PLEKHA5: variants seen among roughly 807,000 people sequenced by gnomAD.
PLEKHA5 encodes pleckstrin homology domain containing A5, also known as pleckstrin homology domain-containing family A member 5.
PLEKHA5 carries 55 observed loss-of-function variants against 181.9 expected under a neutral mutation model. The observed-to-expected ratio is 0.30, with a 90% CI of 0.24 to 0.38. The LOEUF (loss-of-function observed/expected upper bound fraction) is 0.38. Among genes scored for constraint, PLEKHA5 ranks in the 10% least tolerant of loss-of-function variants. The probability of loss-of-function intolerance (pLI) is 1.00; values close to 1 mark genes in which losing one functional copy is unlikely to be tolerated. For synonymous variants in PLEKHA5, 535 were observed against 529.4 expected, an observed-to-expected ratio of 1.01 and a Z score of -0.15; for missense variants, 1,432 against 1,549.5, an observed-to-expected ratio of 0.92 and a Z score of 1.27.
At chr12:19,292,203 C>T (rs1221992245) in intron 15 of PLEKHA5, among the ~76,000 whole-genome samples, 2 of 150,988 alleles carry the variant, frequency 1.3e-5, no homozygotes, top group African/African-American at 4.9e-5. Context: ...GCCAGGAGTT[C>T]GAGACGAGGC....
chr12:19,274,053 AT>A (rs1314854347), intron 10 of PLEKHA5, among the ~76,000 whole-genome samples: 1 of 152,188 alleles, frequency 6.6e-6, no homozygotes, highest in Non-Finnish European at 1.5e-5. Flanking sequence ...TATGGTTCAG[AT>A]CTTTGATAGC....
At chr12:19,218,903 ATTAT>A (rs1258351337) in intron 3 of PLEKHA5, among the ~76,000 whole-genome samples, 174 of 49,108 alleles carry the variant, frequency 3.5e-3, no homozygotes, top group African/African-American at 6.6e-3. Flanking sequence ...AATTATTATT[ATTAT>A]TTTTTTTTTT....
chr12:19,217,267 T>A (rs978174104), intron 3 of PLEKHA5, among the ~76,000 whole-genome samples: 2 of 152,208 alleles, frequency 1.3e-5, no homozygotes, highest in African/African-American at 4.8e-5. Flanking sequence ...ATGATTGATA[T>A]GATAGTAAAC....
At position 19,375,474 on chromosome 12, in the gene PLEKHA5, A is replaced by G. The variant is rs568431090; in HGVS notation, c.*12-57A>G. On this transcript the variant is annotated intron_variant, in intron 31 of 31. Transcript: ENST00000429027. ...ATGTCACCCTTAGTTACTTTGGGAA[A>G]TGGTAATTAATTAACGTTGCAGGTG... The G allele has an allele frequency of 3.9e-5, 6 of 152,550 alleles. No homozygotes were observed. In the South Asian group the frequency reaches 1.2e-3, roughly 32 times the overall value. 9.4% of individuals were successfully genotyped at this position (152,550 alleles called of 1,614,324 possible). A position where few individuals can be genotyped will look rare whatever the true frequency, so the allele number is the denominator to read the frequency against.
intron 20 of PLEKHA5, among the ~76,000 whole-genome samples, chr12:19,335,582 ATTT>A (rs34158055): frequency 4.2e-4 from 45 of 107,994 alleles, no homozygotes; most frequent in African/African-American, 8.5e-4. Context: ...CGCCTGGCTA[ATTT>A]TTTTTTTTTT....
chr12:19,339,720 C>T (rs1275742274), intron 21 of PLEKHA5, among the ~76,000 whole-genome samples: 1 of 152,076 alleles, frequency 6.6e-6, no homozygotes, highest in Non-Finnish European at 1.5e-5. Flanking sequence ...AGAAGTCATA[C>T]TCTATGAATG....
At position 19,274,697 on chromosome 12, in the gene PLEKHA5, C is replaced by A. The variant is rs767118015; in HGVS notation, c.1027C>A (p.Pro343Thr). 3 of 1,614,010 alleles carry A rather than the reference C, an allele frequency of 1.9e-6. No individual in the cohort carries two copies. The highest frequency in any genetic ancestry group is 8.5e-7 in the Non-Finnish European group (1 of 1,179,916). The change falls in exon 11 of 32, where the codon CCC becomes ACC. Residue 343 changes from proline to threonine, a missense_variant. By Grantham distance (38) the Pro-to-Thr change is conservative. This residue lies in a region of PLEKHA5 where 1,143 missense variants were observed against 1,168.4 expected (regional missense o/e 0.98). Coordinates refer to ENST00000429027, the MANE Select transcript of PLEKHA5 (RefSeq NM_001256470.2). ...ATTTCAGAAGGATGGTCAAGATAGA[C>A]CCTTAACAAAAATTAATAGTGTAAA... ...YGFQKDGQDR[P>T]LTKINSVKLN...
At chr12:19,298,988 C>G (rs2080717286) in intron 15 of PLEKHA5, among the ~76,000 whole-genome samples, 1 of 152,234 alleles carries the variant, frequency 6.6e-6, no homozygotes. Flanking sequence ...ACCAGTCTCT[C>G]ACAGTCTGGC....
chr12:19,193,145 C>G (rs1379158531), intron 3 of PLEKHA5, among the ~76,000 whole-genome samples: 1 of 152,032 alleles, frequency 6.6e-6, no homozygotes, highest in Non-Finnish European at 1.5e-5. Context: ...TGCATAAATC[C>G]AAGGACAGTA....
chr12:19,319,936 A>G (rs2090175388), intron 16 of PLEKHA5, 85 bp from the exon 17 acceptor site: 1 of 854,402 alleles, frequency 1.2e-6, no homozygotes. Flanking sequence ...TCCATAGTTT[A>G]TAACATAGGC....
intron 9 of PLEKHA5, 125 bp from the exon 10 acceptor site, chr12:19,270,063 T>G: frequency 1.6e-6 from 1 of 642,624 alleles, no homozygotes; most frequent in Non-Finnish European, 2.6e-6. Context: ...TTTGTTAGTT[T>G]GCGATACCAC....
intron 15 of PLEKHA5, chr12:19,306,475 G>T (rs1303596125): frequency 7.5e-6 from 5 of 668,508 alleles, no homozygotes; most frequent in Non-Finnish European, 1.4e-5. Flanking sequence ...CCACGAACCG[G>T]TTCCTCTTCC....
chr12:19,174,248 A>C (rs150608422), intron 3 of PLEKHA5, among the ~76,000 whole-genome samples: 67 of 152,296 alleles, frequency 4.4e-4, no homozygotes, highest in African/African-American at 1.6e-3. Flanking sequence ...GTGGGCTCTT[A>C]AATAGGTTTC....
chr12:19,203,697 T>A (rs1425892158), intron 3 of PLEKHA5, among the ~76,000 whole-genome samples: 2 of 152,174 alleles, frequency 1.3e-5, no homozygotes, highest in Non-Finnish European at 2.9e-5. Flanking sequence ...ATTAGTTATA[T>A]GTATATGTAC....
intron 3 of PLEKHA5, chr12:19,200,262 T>C: frequency 3.4e-6 from 4 of 1,170,708 alleles, no homozygotes; most frequent in Non-Finnish European, 4.9e-6. Context: ...TGTATAGATA[T>C]TATGTACCAA....
At chr12:19,296,746 G>T (rs1343998805) in intron 15 of PLEKHA5, among the ~76,000 whole-genome samples, 1 of 152,052 alleles carries the variant, frequency 6.6e-6, no homozygotes, top group Non-Finnish European at 1.5e-5. Context: ...ATGAAATTAG[G>T]CGTTTAGAAA....
At chr12:19,133,409 A>C (rs1255848720) in intron 3 of PLEKHA5, among the ~76,000 whole-genome samples, 1 of 151,186 alleles carries the variant, frequency 6.6e-6, no homozygotes, top group East Asian at 1.9e-4. Flanking sequence ...TTTATTGTTT[A>C]ACCTTATTTG....
At chr12:19,167,386 G>GC (rs1231449930) in intron 3 of PLEKHA5, among the ~76,000 whole-genome samples, 1 of 139,126 alleles carries the variant, frequency 7.2e-6, no homozygotes, top group Non-Finnish European at 1.5e-5. Flanking sequence ...ACAACACTCT[G>GC]CAAGTCTTCT....
chr12:19,132,829 A>G (rs1311439238), intron 3 of PLEKHA5, among the ~76,000 whole-genome samples: 1 of 94,802 alleles, frequency 1.1e-5, no homozygotes, highest in African/African-American at 4.1e-5. Context: ...ATAGAGGATT[A>G]TTGGTCATTA....
Sources: gnomAD v4.1 joint callset for allele counts (sites outside exome capture counted in the v4.1 genomes callset) on GRCh38, gnomAD v4.1.1 for gene constraint, gnomAD v4.1.1 regional missense constraint, MANE v1.5 for transcripts, NCBI Gene and HGNC (gene_info 2026-07-23, HGNC 2026-07-21) for gene names.